Variants in TRAM2 observed in about 807,000 individuals in gnomAD.
TRAM2 encodes the protein translocation associated membrane protein 2.
In TRAM2, 12 loss-of-function variants were observed where a neutral mutation model predicts 51.0. That is an observed-to-expected ratio of 0.24 (90% CI 0.15 to 0.38). TRAM2 has a LOEUF of 0.38. Ranked by LOEUF, TRAM2 falls within the 10% of genes least tolerant of loss-of-function variation. The probability of loss-of-function intolerance (pLI) is 1.00; values close to 1 mark genes in which losing one functional copy is unlikely to be tolerated. For missense variants in TRAM2, 361 were observed against 462.0 expected (o/e 0.78, Z 2.00); for synonymous variants, 175 against 179.4 (o/e 0.98, Z 0.20).
chr6:52,553,288 C>G (rs1188655997), intron 1 of TRAM2, among the ~76,000 whole-genome samples: 3 of 152,158 alleles, frequency 2.0e-5, no homozygotes, highest in Non-Finnish European at 2.9e-5. Flanking sequence ...TCTCCAAGAT[C>G]AACAAATGTA....
At chr6:52,561,610 C>T (rs1348419432) in intron 1 of TRAM2, among the ~76,000 whole-genome samples, 10 of 152,034 alleles carry the variant, frequency 6.6e-5, no homozygotes, top group African/African-American at 1.9e-4. Context: ...CTCAGCCTCC[C>T]GAGTAGCTGG....
intron 1 of TRAM2, among the ~76,000 whole-genome samples, chr6:52,552,073 C>T (rs551999713): frequency 6.6e-4 from 100 of 152,368 alleles, no homozygotes; most frequent in African/African-American, 2.3e-3. Context: ...ACACGGAAAC[C>T]CTAGCCACGT....
At chr6:52,508,180 G>A (rs1766383639) in intron 6 of TRAM2, 54 bp downstream of exon 6, 1 of 1,527,558 alleles carries the variant, frequency 6.5e-7, no homozygotes, top group African/African-American at 1.4e-5. Flanking sequence ...GGGAATAGCA[G>A]GAGGGGAGTG....
intron 4 of TRAM2, among the ~76,000 whole-genome samples, chr6:52,515,197 C>T (rs1237896364): frequency 6.6e-6 from 1 of 152,076 alleles, no homozygotes; most frequent in Non-Finnish European, 1.5e-5. Flanking sequence ...GCTGAATTTT[C>T]CAAGACCCAG....
chr6:52,510,819 G>A (rs1190102108), intron 4 of TRAM2, among the ~76,000 whole-genome samples: 2 of 152,208 alleles, frequency 1.3e-5, no homozygotes, highest in Non-Finnish European at 2.9e-5. Context: ...ATCCAAGGAT[G>A]CTCCACAGAT....
chr6:52,545,530 A>G (rs1398273880), intron 1 of TRAM2, among the ~76,000 whole-genome samples: 1 of 152,156 alleles, frequency 6.6e-6, no homozygotes, highest in African/African-American at 2.4e-5. Flanking sequence ...CTCTCCTGCC[A>G]AGGCCTTGCA....
intron 1 of TRAM2, among the ~76,000 whole-genome samples, chr6:52,561,740 C>A (rs992202310): frequency 6.6e-6 from 1 of 151,924 alleles, no homozygotes; most frequent in Non-Finnish European, 1.5e-5. Flanking sequence ...CCACCCGCCT[C>A]GGCCTCCCAA....
At chr6:52,539,739 G>C (rs1767044374) in intron 1 of TRAM2, among the ~76,000 whole-genome samples, 1 of 152,204 alleles carries the variant, frequency 6.6e-6, no homozygotes, top group Non-Finnish European at 1.5e-5. Context: ...CTCAGCAAAT[G>C]CTTAAATGAA....
intron 4 of TRAM2, among the ~76,000 whole-genome samples, chr6:52,511,142 T>G (rs1283652674): frequency 2.0e-5 from 3 of 152,232 alleles, no homozygotes; most frequent in Non-Finnish European, 4.4e-5. Flanking sequence ...TTGCTCTTGT[T>G]GCCCAGGCTG....
At chr6:52,510,722 T>A (rs1258535592) in intron 4 of TRAM2, among the ~76,000 whole-genome samples, 1 of 152,224 alleles carries the variant, frequency 6.6e-6, no homozygotes, top group Non-Finnish European at 1.5e-5. Flanking sequence ...AGGTGAAATA[T>A]ACTACCTGTG....
chr6:52,542,165 T>C (rs1275767486), intron 1 of TRAM2, among the ~76,000 whole-genome samples: 1 of 152,054 alleles, frequency 6.6e-6, no homozygotes, highest in Non-Finnish European at 1.5e-5. Context: ...CCCAGATTGA[T>C]TTTGCATCTT....
In TRAM2 at chr6:52,497,840, TCA is replaced by T. The variant is rs1447522836; in HGVS notation, c.*5355_*5356del. On this transcript the variant is annotated 3_prime_UTR_variant, in exon 11 of 11. Coordinates refer to ENST00000182527, the MANE Select transcript of TRAM2 (RefSeq NM_012288.4). ...GGAAACAGCGGTATTATATTTACTG[TCA>T]CAGCTAGACCCTATCAGGTGAACAG... 1.3e-5 allele frequency: 2 copies of T among 152,306 alleles called. No individual in the cohort carries two copies. The highest frequency in any genetic ancestry group is 2.9e-5 in the Non-Finnish European group (2 of 68,044). 9.4% of individuals were successfully genotyped at this position (152,306 alleles called of 1,614,324 possible).
At chr6:52,521,670 C>A (rs1766677765) in intron 2 of TRAM2, among the ~76,000 whole-genome samples, 1 of 151,168 alleles carries the variant, frequency 6.6e-6, no homozygotes, top group Non-Finnish European at 1.5e-5. Flanking sequence ...GCACTCTAGC[C>A]TGGGAGACAG....
intron 2 of TRAM2, chr6:52,529,653 T>A (rs770770630): frequency 1.3e-5 from 2 of 152,218 alleles, no homozygotes; most frequent in Non-Finnish European, 2.9e-5. Context: ...GAGGGAGTGG[T>A]CATCACTCTG....
chr6:52,561,905 C>A (rs1182764568), intron 1 of TRAM2, among the ~76,000 whole-genome samples: 2 of 152,126 alleles, frequency 1.3e-5, no homozygotes, highest in African/African-American at 4.8e-5. Flanking sequence ...ACCAGGCCAG[C>A]CAAACAGGTT....
rs138927443 is a variant in TRAM2 at position 52,516,036 on chromosome 6, C to G, written c.381G>C (p.Ser127=). The G allele has an allele frequency of 1.4e-5, 22 of 1,614,028 alleles. No individual in the cohort carries two copies. Among genetic ancestry groups the G allele is most frequent in the African/African-American group, 4.0e-5 (3 of 74,914 alleles). The change falls in exon 4 of 11, where the codon TCG becomes TCC. Residue 127 remains serine (S), a synonymous_variant. Transcript: ENST00000182527. Reference sequence around the variant, plus strand: ...CCACCACGTAGAAGCACCAAATCACCGAGGTGAAATGAAAGACGACCAGCT... The same window carrying G: ...CCACCACGTAGAAGCACCAAATCACGGAGGTGAAATGAAAGACGACCAGCT... ...SGQLVVFHFT[S]VIWCFYVVVT...
At chr6:52,567,292 G>A (rs530536021) in intron 1 of TRAM2, among the ~76,000 whole-genome samples, 61 of 152,230 alleles carry the variant, frequency 4.0e-4, no homozygotes, top group Non-Finnish European at 5.1e-4. Context: ...CCCAGGAAAT[G>A]CAGGGAAGAG....
Position 52,499,612 on chromosome 6 carries a change from G to C in TRAM2, c.*3585C>G, listed in dbSNP as rs949842226. 1 of 152,060 alleles carries C rather than the reference G, an allele frequency of 6.6e-6. No homozygotes were observed. Among genetic ancestry groups the C allele is most frequent in the Admixed American group, 6.5e-5 (1 of 15,270 alleles). 9.4% of individuals were successfully genotyped at this position (152,060 alleles called of 1,614,324 possible). On this transcript the variant is annotated 3_prime_UTR_variant, in exon 11 of 11. Transcript: ENST00000182527. ...CTTATTAGCTGCTTAGAAAAAAGAAGGGGTACTGACAAAGGAGGTCCCAAA... is the reference window on the plus strand; with the variant it reads ...CTTATTAGCTGCTTAGAAAAAAGAACGGGTACTGACAAAGGAGGTCCCAAA...
rs151004997 is a variant in TRAM2, at chr6:52,514,302, C to T, written c.411+1704G>A. ...TGTTTTTATGCCTTTTACAGAACTA[C>T]ATCTCTTCTTCTTCAATCACTTTCC... On this transcript the variant is annotated intron_variant, in intron 4 of 10. Coordinates refer to ENST00000182527, the MANE Select transcript of TRAM2 (RefSeq NM_012288.4). Among the ~76,000 whole-genome samples, 28 of 152,324 alleles carry T rather than the reference C, an allele frequency of 1.8e-4. 1 individual carries two copies. The highest frequency in any genetic ancestry group is 1.2e-3 in the Admixed American group (18 of 15,306).
Sources: gnomAD v4.1 joint callset for allele counts (sites outside exome capture counted in the v4.1 genomes callset) on GRCh38, gnomAD v4.1.1 for gene constraint, MANE v1.5 for transcripts, NCBI Gene and HGNC (gene_info 2026-07-23, HGNC 2026-07-21) for gene names.